The following SPATA31H1 variants were observed in gnomAD, a reference collection of about 807,000 sequenced individuals.
SPATA31H1 encodes the protein spermatogenesis-associated protein 31H1.
At chr2:27,573,114 G>C in the SPATA31H1 span, 3 of 397,568 alleles carry the variant, frequency 7.5e-6, no homozygotes, top group Non-Finnish European at 1.3e-5. Flanking sequence ...ATCCTCCACA[G>C]AGTCGGGAGG....
the SPATA31H1 span, chr2:27,572,569 A>C: frequency 2.5e-6 from 1 of 398,452 alleles, no homozygotes. Context: ...TCAGGACCAC[A>C]GCTGCAAAAA....
At chr2:27,537,951 G>A in the SPATA31H1 span, among the ~76,000 whole-genome samples, 1 of 152,248 alleles carries the variant, frequency 6.6e-6, no homozygotes, top group Non-Finnish European at 1.5e-5. Flanking sequence ...GAGGAAGAGT[G>A]GGATTTTGAA....
the SPATA31H1 span, chr2:27,573,721 T>C: frequency 2.5e-6 from 1 of 398,472 alleles, no homozygotes; most frequent in Non-Finnish European, 4.4e-6. Context: ...GTGAAACCCT[T>C]GGAGGCATGC....
the SPATA31H1 span, among the ~76,000 whole-genome samples, chr2:27,551,536 T>C: frequency 2.6e-4 from 40 of 152,120 alleles, no homozygotes; most frequent in Non-Finnish European, 1.8e-4. Context: ...TGTCAGGGCT[T>C]ACAAATCAGA....
At chr2:27,578,276 A>G in the SPATA31H1 span, 1 of 1,614,184 alleles carries the variant, frequency 6.2e-7, no homozygotes, top group Admixed American at 1.7e-5. Flanking sequence ...CTACAAAATT[A>G]ATCACAAAGC....
the SPATA31H1 span, among the ~76,000 whole-genome samples, chr2:27,538,712 T>A: frequency 6.6e-6 from 1 of 152,028 alleles, no homozygotes; most frequent in South Asian, 2.1e-4. Flanking sequence ...GCACCTGTAG[T>A]CTTAGCTACC....
the SPATA31H1 span, chr2:27,580,569 A>C: frequency 6.2e-7 from 1 of 1,614,230 alleles, no homozygotes. Flanking sequence ...AACTCAGACA[A>C]GTACTGCCTC....
the SPATA31H1 span, chr2:27,578,652 CCTCCTAAAGTTATGGAAA>C: frequency 6.2e-7 from 1 of 1,614,136 alleles, no homozygotes; most frequent in South Asian, 1.1e-5. Flanking sequence ...AAAAACAGAG[CCTCCTAAAGTTATGGAAA>C]CTGAGGATTT....
At chr2:27,538,569 C>A in the SPATA31H1 span, among the ~76,000 whole-genome samples, 42,236 of 151,946 alleles carry the variant, frequency 0.28, 6,398 homozygotes, top group East Asian at 0.49. Flanking sequence ...TGGTGGCTCT[C>A]GCCTGTAATC....
chr2:27,554,784 G>C, the SPATA31H1 span, among the ~76,000 whole-genome samples: 5 of 151,802 alleles, frequency 3.3e-5, no homozygotes, highest in African/African-American at 1.2e-4. Context: ...ATGTTGACCA[G>C]GCTGGTCTCA....
chr2:27,552,425 A>C, the SPATA31H1 span, among the ~76,000 whole-genome samples: 1 of 151,980 alleles, frequency 6.6e-6, no homozygotes, highest in African/African-American at 2.4e-5. Context: ...TTATTTCTAG[A>C]CCCAATTTGA....
At chr2:27,550,912 T>C in the SPATA31H1 span, among the ~76,000 whole-genome samples, 1 of 151,400 alleles carries the variant, frequency 6.6e-6, no homozygotes, top group Non-Finnish European at 1.5e-5. Context: ...TTTTTTGAGA[T>C]GGAGTCTCAC....
the SPATA31H1 span, chr2:27,582,320 G>A: frequency 1.2e-6 from 2 of 1,613,026 alleles, no homozygotes; most frequent in African/African-American, 2.7e-5. Context: ...CTGAGATGAG[G>A]CCAGGGAGGC....
chr2:27,568,980 G>C, the SPATA31H1 span: 1 of 398,936 alleles, frequency 2.5e-6, no homozygotes, highest in Non-Finnish European at 4.4e-6. Context: ...AGGAAAAGAA[G>C]CAAAGTTGAC....
chr2:27,554,268 CG>C, the SPATA31H1 span, among the ~76,000 whole-genome samples: 1 of 152,058 alleles, frequency 6.6e-6, no homozygotes, highest in Middle Eastern at 3.4e-3. Context: ...TTCTAGCATG[CG>C]CCTCAAAACT....
At chr2:27,582,010 G>C in the SPATA31H1 span, 1 of 1,613,928 alleles carries the variant, frequency 6.2e-7, no homozygotes, top group East Asian at 2.2e-5. Context: ...TTGGAGAGGA[G>C]CCGTCACAGT....
chr2:27,577,033 T>C, the SPATA31H1 span: 1 of 1,614,062 alleles, frequency 6.2e-7, no homozygotes, highest in Non-Finnish European at 8.5e-7. This position sits in a 1 kb window ranked among gnomAD's most constrained non-coding sequence, Gnocchi z 4.5. Flanking sequence ...TCAATACCAA[T>C]TTATCACGCC....
chr2:27,580,223 G>T, the SPATA31H1 span: 6 of 1,614,052 alleles, frequency 3.7e-6, no homozygotes, highest in African/African-American at 4.0e-5. Flanking sequence ...CAATAGATTT[G>T]CAGTCTGGGC....
the SPATA31H1 span, chr2:27,581,777 C>T: frequency 5.0e-6 from 8 of 1,612,452 alleles, no homozygotes; most frequent in Non-Finnish European, 5.9e-6. Context: ...GAAGCCATCA[C>T]AGTCCCTCTG....
Sources: allele counts gnomAD v4.1 joint callset (sites outside exome capture counted in the v4.1 genomes callset), GRCh38; gene constraint gnomAD v4.1.1; non-coding constraint Gnocchi (gnomAD v3.1); transcripts MANE v1.5; gene names NCBI Gene and HGNC (gene_info 2026-07-23, HGNC 2026-07-21).